MOK: variants seen among roughly 807,000 people sequenced by gnomAD.
The protein encoded by MOK is MAPK/MAK/MRK overlapping kinase.
MOK carries 59 observed loss-of-function variants against 54.2 expected under a neutral mutation model. That is an observed-to-expected ratio of 1.09 (90% CI 0.88 to 1.35). MOK has a LOEUF of 1.35. Among genes scored for constraint, MOK ranks in the 40% most tolerant of loss-of-function variants. The pLI, the probability that MOK is intolerant of heterozygous loss-of-function variation, is 0.00. For missense variants in MOK, 517 were observed against 526.2 expected (o/e 0.98, Z 0.17); for synonymous variants, 210 against 202.7 (o/e 1.04, Z -0.31).
chr14:102,272,533 T>G (rs917064057), intron 2 of MOK, among the ~76,000 whole-genome samples: 1 of 152,058 alleles, frequency 6.6e-6, no homozygotes, highest in Non-Finnish European at 1.5e-5. Context: ...GACAAAATAC[T>G]ATCAAATCCA....
chr14:102,274,083 G>A (rs1567208559), intron 2 of MOK, among the ~76,000 whole-genome samples: 1 of 151,450 alleles, frequency 6.6e-6, no homozygotes, highest in East Asian at 2.0e-4. Flanking sequence ...TCAGCCTCCT[G>A]AGTAGCTGGG....
At chr14:102,243,379 A>C (rs557105247) in intron 7 of MOK, among the ~76,000 whole-genome samples, 46 of 152,266 alleles carry the variant, frequency 3.0e-4, no homozygotes, top group African/African-American at 1.0e-3. Context: ...AGGGCTGTGC[A>C]GTTGAAATTC....
rs2064857438 is a variant in MOK, at chr14:102,232,841, C to T, written c.693-133G>A. On this transcript the variant is annotated intron_variant, in intron 8 of 11. Coordinates refer to ENST00000361847, the MANE Select transcript of MOK (RefSeq NM_014226.3). This position sits in a 1 kb window ranked among gnomAD's most constrained non-coding sequence, Gnocchi z 5.1. ...CAGAGTCTACACCTGTCCCAGCCCA[C>T]AGAACGTGCACCACCAAGAGGGACC... is the stretch of plus-strand genomic sequence containing the variant. 9.9e-6 allele frequency: 7 copies of T among 704,532 alleles called. No homozygotes were observed. Among genetic ancestry groups the T allele is most frequent in the East Asian group, 2.8e-5 (1 of 35,830 alleles). 43.6% of individuals were successfully genotyped at this position (704,532 alleles called of 1,614,324 possible). A position where few individuals can be genotyped will look rare whatever the true frequency, so the allele number is the denominator to read the frequency against.
rs529335280 is a variant in MOK, at chr14:102,276,451, T to C, written c.122+7027A>G. Reference sequence around the variant, plus strand: ...TTGCATTGAGCCGAGATAGCCAGCCTGGGTGATAGAGCGACACTCTGTCTC... The same window carrying C: ...TTGCATTGAGCCGAGATAGCCAGCCCGGGTGATAGAGCGACACTCTGTCTC... On this transcript the variant is annotated intron_variant, in intron 2 of 11. Coordinates refer to ENST00000361847, the MANE Select transcript of MOK (RefSeq NM_014226.3). 2.6e-5 allele frequency among the ~76,000 whole-genome samples: 4 copies of C among 152,140 alleles called. 1 individual carries two copies. The highest frequency in any genetic ancestry group is 4.1e-4 in the South Asian group (2 of 4,830).
At chr14:102,248,112 C>T (rs536058362) in intron 7 of MOK, among the ~76,000 whole-genome samples, 1 of 152,228 alleles carries the variant, frequency 6.6e-6, no homozygotes, top group Admixed American at 6.5e-5. Flanking sequence ...AGTGGCCAGA[C>T]GCCAACGGCG....
intron 2 of MOK, among the ~76,000 whole-genome samples, chr14:102,281,498 C>CAAA (rs1184533713): frequency 2.1e-5 from 1 of 48,246 alleles, no homozygotes; most frequent in African/African-American, 6.7e-5. Flanking sequence ...GACCCTGACT[C>CAAA]AAAAAAAAAA....
chr14:102,268,933 T>G (rs1445687924), intron 2 of MOK, among the ~76,000 whole-genome samples: 3 of 151,662 alleles, frequency 2.0e-5, no homozygotes, highest in Non-Finnish European at 4.4e-5. Context: ...AAAAAAATTA[T>G]TTAAAGATCA....
chr14:102,288,621 T>C (rs8014207), intron 1 of MOK, among the ~76,000 whole-genome samples: 15,703 of 152,232 alleles, frequency 0.1, 1,131 homozygotes, highest in African/African-American at 0.2. Context: ...CATTAGATTA[T>C]AGTTATAGTT....
downstream of MOK, among the ~76,000 whole-genome samples, chr14:102,222,343 A>G (rs1388610070): frequency 1.3e-5 from 2 of 152,236 alleles, no homozygotes; most frequent in African/African-American, 4.8e-5. The surrounding 1 kb of genome is among the most constrained non-coding windows in gnomAD (Gnocchi z 4.4). Context: ...CCAACAAAGC[A>G]AGAACCCCCC....
At chr14:102,294,243 A>G (rs547370620) in intron 1 of MOK, among the ~76,000 whole-genome samples, 1,513 of 150,238 alleles carry the variant, frequency 0.01, 14 homozygotes, top group Non-Finnish European at 0.015. Flanking sequence ...TCAGGAGATC[A>G]ACACCATCCT....
intron 2 of MOK, among the ~76,000 whole-genome samples, chr14:102,276,241 T>C (rs1361990990): frequency 3.3e-5 from 5 of 152,016 alleles, no homozygotes; most frequent in African/African-American, 1.2e-4. Context: ...TCCCAACACT[T>C]TGGGAGGCTG....
At position 102,232,723 on chromosome 14, in the gene MOK, C is replaced by T; in HGVS notation, c.693-15G>A. ...TAGCTCTCGACCTGTATTAAAAACC[C>T]AATGATAATAAATGGTCATGCTGTC... On this transcript the variant is annotated splice_polypyrimidine_tract_variant and intron_variant, in intron 8 of 11. Transcript: ENST00000361847. The surrounding 1 kb of genome is among the most constrained non-coding windows in gnomAD (Gnocchi z 5.1). 6.2e-7 allele frequency: 1 copy of T among 1,605,482 alleles called. No individual in the cohort carries two copies. Among genetic ancestry groups the T allele is most frequent in the South Asian group, 1.1e-5 (1 of 90,384 alleles).
chr14:102,271,758 C>A (rs549244179), intron 2 of MOK, among the ~76,000 whole-genome samples: 85 of 152,294 alleles, frequency 5.6e-4, no homozygotes, highest in African/African-American at 2.0e-3. Context: ...AGAGTTTTGC[C>A]ATGTTGGCCA....
chr14:102,275,045 T>C (rs2068726932), intron 2 of MOK, among the ~76,000 whole-genome samples: 1 of 151,120 alleles, frequency 6.6e-6, no homozygotes, highest in Non-Finnish European at 1.5e-5. Flanking sequence ...GCTACATTAA[T>C]CAAAACAGTA....
chr14:102,252,904 T>C (rs1003347608), intron 4 of MOK, among the ~76,000 whole-genome samples: 2 of 152,218 alleles, frequency 1.3e-5, no homozygotes, highest in Non-Finnish European at 2.9e-5. Context: ...GAGGTTAAAA[T>C]AGAAGAGATG....
At chr14:102,228,451 C>T (rs993544182), downstream of MOK, among the ~76,000 whole-genome samples, 2 of 152,186 alleles carry the variant, frequency 1.3e-5, no homozygotes, top group South Asian at 4.1e-4. Context: ...AATCCCAGCA[C>T]TTTGGGAGGC....
intron 1 of MOK, among the ~76,000 whole-genome samples, chr14:102,289,813 C>T (rs2070552048): frequency 6.6e-6 from 1 of 152,154 alleles, no homozygotes; most frequent in Non-Finnish European, 1.5e-5. Flanking sequence ...AGCCCTCAAG[C>T]TCCTTCTTTG....
At chr14:102,214,617 T>G in the MOK span, 38 of 985,262 alleles carry the variant, frequency 3.9e-5, no homozygotes, top group Admixed American at 1.8e-3. Context: ...TACTTGAGTT[T>G]ATTAGAGATT....
chr14:102,244,196 A>G (rs1286196063), intron 7 of MOK, among the ~76,000 whole-genome samples: 3 of 152,198 alleles, frequency 2.0e-5, no homozygotes, highest in Admixed American at 2.0e-4. Flanking sequence ...GCTCGGGGCA[A>G]CGCTTATGCT....
Sources: gnomAD v4.1 joint callset for allele counts (sites outside exome capture counted in the v4.1 genomes callset) on GRCh38, gnomAD v4.1.1 for gene constraint, Gnocchi (gnomAD v3.1) non-coding constraint, MANE v1.5 for transcripts, NCBI Gene and HGNC (gene_info 2026-07-23, HGNC 2026-07-21) for gene names.